Variants in NRG3 observed in about 807,000 individuals in gnomAD.
NRG3 encodes neuregulin 3, also known as pro-neuregulin-3, membrane-bound isoform.
Under a neutral mutation model 66.9 loss-of-function variants are expected in NRG3, and 31 were observed. That is an observed-to-expected ratio of 0.46 (90% CI 0.35 to 0.63). NRG3 has a LOEUF of 0.63. Among genes scored for constraint, NRG3 ranks in the 20% least tolerant of loss-of-function variants. The pLI is 0.00. For synonymous variants in NRG3, 393 were observed against 359.4 expected (o/e 1.09, Z -1.06); for missense variants, 910 against 878.9 (o/e 1.04, Z -0.45).
chr10:82,534,293 G>T lies in NRG3; in HGVS notation c.953+175425G>T, dbSNP rs555504320. 2.0e-5 allele frequency among the ~76,000 whole-genome samples: 3 copies of T among 149,648 alleles called. No homozygotes were observed. In the East Asian group the frequency reaches 5.9e-4, roughly 29 times the overall value. On this transcript the variant is annotated intron_variant, in intron 2 of 8. Transcript: ENST00000372141. ...TTTTTTTTTTTTGAGACAGAGTATC[G>T]CTGTATTGCCCAGGCTGGAGGGCAG...
At chr10:82,715,817 G>A (rs2056937135) in intron 2 of NRG3, among the ~76,000 whole-genome samples, 3 of 152,108 alleles carry the variant, frequency 2.0e-5, no homozygotes, top group Non-Finnish European at 4.4e-5. Flanking sequence ...GGAGGCTGGA[G>A]GTTGAATTTC....
At chr10:82,538,905 A>T (rs2043345720) in intron 2 of NRG3, among the ~76,000 whole-genome samples, 1 of 152,208 alleles carries the variant, frequency 6.6e-6, no homozygotes, top group Non-Finnish European at 1.5e-5. Flanking sequence ...GGAGGGCAGC[A>T]GGCAGATGGG....
intron 3 of NRG3, among the ~76,000 whole-genome samples, chr10:82,787,579 A>C (rs2060420998): frequency 6.6e-6 from 1 of 152,154 alleles, no homozygotes; most frequent in Non-Finnish European, 1.5e-5. Context: ...CCACCTGTTA[A>C]AATGAAACTG....
chr10:82,495,964 A>G (rs1210048521), intron 2 of NRG3, among the ~76,000 whole-genome samples: 1 of 152,180 alleles, frequency 6.6e-6, no homozygotes, highest in Non-Finnish European at 1.5e-5. Flanking sequence ...AGGACAATTA[A>G]TAAGATTTTA....
chr10:81,953,514 C>T (rs1293194619), intron 1 of NRG3, among the ~76,000 whole-genome samples: 3 of 152,164 alleles, frequency 2.0e-5, no homozygotes, highest in African/African-American at 7.2e-5. Context: ...TCTTGTGAAT[C>T]ACCAAGTCCA....
intron 2 of NRG3, among the ~76,000 whole-genome samples, chr10:82,638,522 T>C (rs1693013713): frequency 6.6e-6 from 1 of 152,218 alleles, no homozygotes; most frequent in Non-Finnish European, 1.5e-5. Flanking sequence ...TTGTGACTTA[T>C]GTCCCAGCTG....
chr10:82,545,183 TC>T (rs1441396752), intron 2 of NRG3, among the ~76,000 whole-genome samples: 1 of 152,176 alleles, frequency 6.6e-6, no homozygotes, highest in Non-Finnish European at 1.5e-5. Flanking sequence ...GGAGCTGGTT[TC>T]CCTTTTCTTT....
chr10:82,323,822 T>G (rs938368577), intron 1 of NRG3, among the ~76,000 whole-genome samples: 1 of 152,170 alleles, frequency 6.6e-6, no homozygotes, highest in South Asian at 2.1e-4. Context: ...CAGTTATCTA[T>G]TTTTGAAAAA....
intron 1 of NRG3, among the ~76,000 whole-genome samples, chr10:82,351,284 A>G (rs973009106): frequency 6.6e-6 from 1 of 152,194 alleles, no homozygotes; most frequent in African/African-American, 2.4e-5. Context: ...ACTTTTATCC[A>G]CTAGAAGTTC....
intron 1 of NRG3, among the ~76,000 whole-genome samples, chr10:81,978,370 T>A (rs2060203081): frequency 6.6e-6 from 1 of 152,204 alleles, no homozygotes; most frequent in Non-Finnish European, 1.5e-5. Flanking sequence ...ATTTATGCTA[T>A]TGCTTTGAGA....
At chr10:82,683,127 T>A (rs1197012466) in intron 2 of NRG3, among the ~76,000 whole-genome samples, 8 of 151,788 alleles carry the variant, frequency 5.3e-5, no homozygotes, top group African/African-American at 1.7e-4. Context: ...CCCGGCTAAT[T>A]TTTTGTATTT....
chr10:82,450,707 T>C (rs1437710441), intron 2 of NRG3, among the ~76,000 whole-genome samples: 19 of 152,332 alleles, frequency 1.2e-4, no homozygotes, highest in Admixed American at 3.9e-4. Context: ...ATTGATTGCA[T>C]AATTAGTGTG....
intron 1 of NRG3, among the ~76,000 whole-genome samples, chr10:81,909,100 C>G (rs1274018176): frequency 1.3e-5 from 2 of 152,164 alleles, no homozygotes; most frequent in Non-Finnish European, 2.9e-5. Context: ...ATAATTCTTT[C>G]TTGCTTCTTT....
intron 2 of NRG3, among the ~76,000 whole-genome samples, chr10:82,495,089 G>A (rs1005025636): frequency 3.3e-5 from 5 of 151,566 alleles, no homozygotes; most frequent in African/African-American, 1.2e-4. Context: ...TACAGGTGCG[G>A]GCCACCACAC....
intron 2 of NRG3, among the ~76,000 whole-genome samples, chr10:82,565,965 G>A (rs1390212330): frequency 6.6e-6 from 1 of 151,952 alleles, no homozygotes; most frequent in Non-Finnish European, 1.5e-5. Flanking sequence ...AATTCCTCTT[G>A]TTCTACCTCT....
chr10:82,833,384 C>G (rs1307484587), intron 3 of NRG3, among the ~76,000 whole-genome samples: 1 of 152,110 alleles, frequency 6.6e-6, no homozygotes, highest in Non-Finnish European at 1.5e-5. Context: ...AGACTCAGTT[C>G]CCGAGTGCGG....
At chr10:82,479,342 C>T (rs879706289) in intron 2 of NRG3, among the ~76,000 whole-genome samples, 1 of 152,032 alleles carries the variant, frequency 6.6e-6, no homozygotes, top group African/African-American at 2.4e-5. Flanking sequence ...ATACACATCA[C>T]ACCTATAGAC....
chr10:82,953,940 AGAGT>A (rs1317249162), intron 5 of NRG3, among the ~76,000 whole-genome samples: 1 of 139,870 alleles, frequency 7.1e-6, no homozygotes, highest in Non-Finnish European at 1.6e-5. Flanking sequence ...CCTAGGCAAC[AGAGT>A]GAGATTCAGT....
chr10:82,410,903 T>G lies in NRG3; in HGVS notation c.953+52035T>G, dbSNP rs976530846. On this transcript the variant is annotated intron_variant, in intron 2 of 8. Transcript: ENST00000372141. The stretch of plus-strand genomic sequence containing the variant: ...CACAAAGTGATGTTGTATCATAAAA[T>G]TCACTACATTTTAAAGTTGATAAAA... 2.0e-5 allele frequency among the ~76,000 whole-genome samples: 3 copies of G among 152,146 alleles called. No individual in the cohort carries two copies. In the East Asian group the frequency reaches 5.8e-4, roughly 29 times the overall value.
Sources: gnomAD v4.1 joint callset for allele counts (sites outside exome capture counted in the v4.1 genomes callset) on GRCh38, gnomAD v4.1.1 for gene constraint, MANE v1.5 for transcripts, NCBI Gene and HGNC (gene_info 2026-07-23, HGNC 2026-07-21) for gene names.